The following PALS2 variants were observed in gnomAD, a reference collection of about 807,000 sequenced individuals.
PALS2 encodes the protein protein PALS2.
A neutral mutation model predicts 61.6 loss-of-function variants in PALS2; 27 were observed. That is an observed-to-expected ratio of 0.44 (90% CI 0.32 to 0.60). PALS2 has a LOEUF of 0.60. Ranked by LOEUF, PALS2 falls within the 20% of genes least tolerant of loss-of-function variation. PALS2 has a pLI of 0.05. For synonymous variants in PALS2, 236 were observed against 218.6 expected (o/e 1.08, Z -0.70); for missense variants, 554 against 639.4 (o/e 0.87, Z 1.44).
intron 1 of PALS2, among the ~76,000 whole-genome samples, chr7:24,617,783 G>A (rs1784344698): frequency 6.6e-6 from 1 of 152,182 alleles, no homozygotes; most frequent in Non-Finnish European, 1.5e-5. Context: ...TTGGTGTCTG[G>A]CTTGCTGGGA....
chr7:24,648,820 A>C (rs908316562), intron 3 of PALS2, among the ~76,000 whole-genome samples: 2 of 150,216 alleles, frequency 1.3e-5, no homozygotes, highest in African/African-American at 4.9e-5. Flanking sequence ...CAGGAGAATC[A>C]CTTGAACCCA....
Position 24,688,669 on chromosome 7 carries a change from T to TA in PALS2, c.*1061dup, listed in dbSNP as rs962773176. ...TGAGAACCAAACCCATTGAACAACT[T>TA]AAAAAATTGGGAAATAATTGTCAGC... is the stretch of plus-strand genomic sequence containing the variant. On this transcript the variant is annotated 3_prime_UTR_variant, in exon 12 of 12. Coordinates refer to ENST00000222644, the MANE Select transcript of PALS2 (RefSeq NM_001303037.2). 6.6e-6 allele frequency: 1 copy of TA among 151,724 alleles called. No homozygotes were observed. The highest frequency in any genetic ancestry group is 1.5e-5 in the Non-Finnish European group (1 of 67,942). 9.4% of individuals were successfully genotyped at this position (151,724 alleles called of 1,614,324 possible).
At position 24,626,313 on chromosome 7, in the gene PALS2, A is replaced by G. The variant is rs1456605596; in HGVS notation, c.117+2529A>G. On this transcript the variant is annotated intron_variant, in intron 2 of 11. Transcript: ENST00000222644. The stretch of plus-strand genomic sequence containing the variant: ...AGCAAAAACTAATAGAGAAGAAAGA[A>G]TGAAAAAAAGATAACAATATGTGAA... Among the ~76,000 whole-genome samples the G allele has an allele frequency of 2.0e-5, 3 of 152,158 alleles. No homozygotes were observed. In the South Asian group the frequency reaches 6.2e-4, roughly 32 times the overall value.
intron 1 of PALS2, among the ~76,000 whole-genome samples, chr7:24,619,848 G>T (rs1179693849): frequency 1.3e-5 from 2 of 151,524 alleles, no homozygotes; most frequent in Non-Finnish European, 2.9e-5. Flanking sequence ...CTTACTTTTT[G>T]AGTTTAGACT....
At chr7:24,656,638 T>G (rs546373909) in intron 5 of PALS2, among the ~76,000 whole-genome samples, 4 of 152,096 alleles carry the variant, frequency 2.6e-5, no homozygotes, top group Non-Finnish European at 5.9e-5. Context: ...TCCTTCTACC[T>G]CAGCCTTCTG....
intron 1 of PALS2, among the ~76,000 whole-genome samples, chr7:24,582,400 T>C (rs932486150): frequency 6.6e-6 from 1 of 152,068 alleles, no homozygotes; most frequent in Non-Finnish European, 1.5e-5. Context: ...GTCAGTTGTT[T>C]ACAAATTCTT....
At chr7:24,582,425 A>G (rs1723504231) in intron 1 of PALS2, among the ~76,000 whole-genome samples, 2 of 152,208 alleles carry the variant, frequency 1.3e-5, no homozygotes, top group South Asian at 2.1e-4. Context: ...GTTTCAGAAC[A>G]TTTTGTTTTA....
chr7:24,673,404 G>A (rs1384462609), intron 9 of PALS2, among the ~76,000 whole-genome samples: 1 of 152,088 alleles, frequency 6.6e-6, no homozygotes. Context: ...TGGTAATTCA[G>A]GGCACATAGA....
At chr7:24,666,848 A>G (rs1787043480) in intron 8 of PALS2, 2 of 152,194 alleles carry the variant, frequency 1.3e-5, no homozygotes, top group African/African-American at 4.8e-5. Context: ...GGAAACTACT[A>G]TATTTATTCT....
At chr7:24,684,878 A>G (rs747271145) in intron 11 of PALS2, among the ~76,000 whole-genome samples, 4 of 152,278 alleles carry the variant, frequency 2.6e-5, no homozygotes, top group South Asian at 2.1e-4. Flanking sequence ...TGTATTAACA[A>G]TATGATTATT....
chr7:24,688,788 A>C lies in PALS2; in HGVS notation c.*1174A>C, dbSNP rs546771027. Reference sequence around the variant, plus strand: ...ATAAAATGTTTTGTATATTTTTTACATATCTGTTAAAAAATGTACTTTGTT... The same window carrying C: ...ATAAAATGTTTTGTATATTTTTTACCTATCTGTTAAAAAATGTACTTTGTT... On this transcript the variant is annotated 3_prime_UTR_variant, in exon 12 of 12. Coordinates refer to ENST00000222644, the MANE Select transcript of PALS2 (RefSeq NM_001303037.2). 5.3e-5 allele frequency: 8 copies of C among 150,710 alleles called. No individual in the cohort carries two copies. Among genetic ancestry groups the C allele is most frequent in the African/African-American group, 1.9e-4 (8 of 41,030 alleles). 9.3% of individuals were successfully genotyped at this position (150,710 alleles called of 1,614,324 possible). A position where few individuals can be genotyped will look rare whatever the true frequency, so the allele number is the denominator to read the frequency against.
At chr7:24,623,932 C>G in intron 2 of PALS2, 148 bp downstream of exon 2, 2 of 967,042 alleles carry the variant, frequency 2.1e-6, no homozygotes, top group Non-Finnish European at 3.1e-6. Flanking sequence ...GAAATCTTAA[C>G]ATATGCAAAA....
chr7:24,630,826 G>C (rs144736605), intron 2 of PALS2, among the ~76,000 whole-genome samples: 225 of 152,284 alleles, frequency 1.5e-3, no homozygotes, highest in Middle Eastern at 3.4e-3. Flanking sequence ...CAGCACATCT[G>C]TTTACAGCAT....
chr7:24,580,996 G>C (rs945307207), intron 1 of PALS2, among the ~76,000 whole-genome samples: 3 of 152,216 alleles, frequency 2.0e-5, no homozygotes, highest in African/African-American at 7.2e-5. Context: ...AATTGCCACA[G>C]ACTTAGTGGC....
intron 3 of PALS2, among the ~76,000 whole-genome samples, chr7:24,646,119 C>T (rs938923738): frequency 1.3e-5 from 2 of 152,064 alleles, no homozygotes; most frequent in African/African-American, 4.8e-5. Flanking sequence ...TTGTCTTCCT[C>T]TCATCCTATC....
In PALS2 at chr7:24,666,103, A is replaced by G; in HGVS notation, c.952+14A>G. The G allele has an allele frequency of 6.3e-7, 1 of 1,596,186 alleles. No homozygotes were observed. The stretch of plus-strand genomic sequence containing the variant: ...CCAGAAATGCAGGTAGGTTTTAAAT[A>G]CTTTTTGAGAAGTCCAAGTGAAGTA... On this transcript the variant is annotated intron_variant, in intron 8 of 11. Coordinates refer to ENST00000222644, the MANE Select transcript of PALS2 (RefSeq NM_001303037.2).
chr7:24,676,906 T>C (rs1465607233), intron 9 of PALS2, among the ~76,000 whole-genome samples: 1 of 151,198 alleles, frequency 6.6e-6, no homozygotes, highest in African/African-American at 2.5e-5. Flanking sequence ...TTTCGAATTC[T>C]GTGAAGAAAG....
At chr7:24,635,607 A>T (rs1020134959) in intron 2 of PALS2, among the ~76,000 whole-genome samples, 1 of 152,186 alleles carries the variant, frequency 6.6e-6, no homozygotes, top group African/African-American at 2.4e-5. Context: ...GAGAGTGGAC[A>T]TCTTTGTCTT....
At chr7:24,676,701 T>C (rs957313816) in intron 9 of PALS2, among the ~76,000 whole-genome samples, 5 of 151,126 alleles carry the variant, frequency 3.3e-5, no homozygotes, top group Admixed American at 3.3e-4. Flanking sequence ...CGCGGCGTTA[T>C]TTCTGAGGGC....
Sources: allele counts gnomAD v4.1 joint callset (sites outside exome capture counted in the v4.1 genomes callset), GRCh38; gene constraint gnomAD v4.1.1; transcripts MANE v1.5; gene names NCBI Gene and HGNC (gene_info 2026-07-23, HGNC 2026-07-21).